VWC2L: variants seen among roughly 807,000 people sequenced by gnomAD.
VWC2L encodes the protein von Willebrand factor C domain-containing protein 2-like.
A neutral mutation model predicts 21.6 loss-of-function variants in VWC2L; 10 were observed. The ratio of observed to expected loss-of-function variants is 0.46; its 90% CI spans 0.29 to 0.78. The LOEUF (loss-of-function observed/expected upper bound fraction) is 0.78, where lower values mean the gene tolerates loss of function less well. Among genes scored for constraint, VWC2L ranks in the 30% least tolerant of loss-of-function variants. The pLI, the probability that VWC2L is intolerant of heterozygous loss-of-function variation, is 0.10. For synonymous variants in VWC2L, 96 were observed against 94.3 expected, an observed-to-expected ratio of 1.02 and a Z score of -0.10; for missense variants, 209 against 277.1, an observed-to-expected ratio of 0.75 and a Z score of 1.74.
intron 3 of VWC2L, among the ~76,000 whole-genome samples, chr2:214,497,521 A>G (rs960287102): frequency 6.6e-6 from 1 of 152,170 alleles, no homozygotes. Flanking sequence ...TTGCTGCAGT[A>G]TGGAATTTTT....
intron 3 of VWC2L, chr2:214,525,321 C>G (rs1466303740): frequency 2.0e-5 from 3 of 152,006 alleles, no homozygotes; most frequent in African/African-American, 7.3e-5. Flanking sequence ...AAAGTTTGCA[C>G]ACAAGTAGTT....
intron 3 of VWC2L, among the ~76,000 whole-genome samples, chr2:214,511,982 C>A (rs62199883): frequency 0.37 from 55,249 of 149,956 alleles, 11,556 homozygotes; most frequent in Non-Finnish European, 0.48. Flanking sequence ...GAGTCATGAA[C>A]TTAATGCTTA....
At chr2:214,561,961 C>T (rs1394238390) in intron 3 of VWC2L, among the ~76,000 whole-genome samples, 1 of 151,614 alleles carries the variant, frequency 6.6e-6, no homozygotes, top group Non-Finnish European at 1.5e-5. Context: ...TCAAAGCACA[C>T]TAAGTCTTTG....
At chr2:214,446,149 A>G (rs1426156473) in intron 3 of VWC2L, among the ~76,000 whole-genome samples, 2 of 152,232 alleles carry the variant, frequency 1.3e-5, no homozygotes, top group African/African-American at 2.4e-5. Flanking sequence ...AGTGATAAGC[A>G]TAACAGACAT....
intron 3 of VWC2L, among the ~76,000 whole-genome samples, chr2:214,478,595 TAG>T (rs1266538677): frequency 6.6e-6 from 1 of 152,212 alleles, no homozygotes; most frequent in Admixed American, 6.5e-5. Context: ...CTGCTTTTCC[TAG>T]AGTTATCTCC....
intron 3 of VWC2L, among the ~76,000 whole-genome samples, chr2:214,547,331 G>T (rs1021693316): frequency 1.2e-4 from 19 of 152,174 alleles, no homozygotes; most frequent in African/African-American, 4.6e-4. Flanking sequence ...GTATGATTAA[G>T]GGAGAACAGC....
intron 3 of VWC2L, among the ~76,000 whole-genome samples, chr2:214,516,132 T>A (rs1195002122): frequency 6.6e-6 from 1 of 152,120 alleles, no homozygotes; most frequent in Admixed American, 6.5e-5. Flanking sequence ...TTCATACTGA[T>A]AACTTGAAAT....
intron 3 of VWC2L, among the ~76,000 whole-genome samples, chr2:214,516,452 G>A (rs4672708): frequency 0.36 from 55,049 of 151,766 alleles, 11,463 homozygotes; most frequent in East Asian, 0.73. Flanking sequence ...ACACCAGCAC[G>A]CCCAAAACCA....
intron 3 of VWC2L, among the ~76,000 whole-genome samples, chr2:214,526,257 G>A (rs10932542): frequency 0.26 from 39,010 of 151,544 alleles, 5,304 homozygotes; most frequent in East Asian, 0.48. Flanking sequence ...ATATTTAGAG[G>A]AAAAAAAGCC....
chr2:214,432,346 GAT>G (rs1702612515), intron 2 of VWC2L, among the ~76,000 whole-genome samples: 2 of 152,174 alleles, frequency 1.3e-5, no homozygotes, highest in African/African-American at 2.4e-5. Flanking sequence ...AAATCAGTAA[GAT>G]AGTTTCACAG....
intron 3 of VWC2L, among the ~76,000 whole-genome samples, chr2:214,564,727 T>G (rs1690035905): frequency 6.6e-6 from 1 of 152,206 alleles, no homozygotes; most frequent in East Asian, 1.9e-4. Context: ...CACTACAACA[T>G]TAAATGTATG....
At chr2:214,552,550 T>C (rs1354760074) in intron 3 of VWC2L, among the ~76,000 whole-genome samples, 2 of 152,204 alleles carry the variant, frequency 1.3e-5, no homozygotes, top group African/African-American at 4.8e-5. Context: ...GGACACCTTA[T>C]TAAAACCTTA....
chr2:214,474,872 G>A (rs1417127182), intron 3 of VWC2L, among the ~76,000 whole-genome samples: 1 of 152,096 alleles, frequency 6.6e-6, no homozygotes, highest in Non-Finnish European at 1.5e-5. Context: ...TTTGATGCTA[G>A]GCCTTGCTTC....
At chr2:214,492,129 T>C (rs1343663070) in intron 3 of VWC2L, among the ~76,000 whole-genome samples, 6 of 152,142 alleles carry the variant, frequency 3.9e-5, no homozygotes, top group Admixed American at 2.0e-4. Context: ...AAATTAAACA[T>C]AGTAAACAAA....
At position 214,538,262 on chromosome 2, in the gene VWC2L, T is replaced by C. The variant is rs748162682; in HGVS notation, c.521-37410T>C. 4.9e-4 allele frequency among the ~76,000 whole-genome samples: 75 copies of C among 152,206 alleles called. No homozygotes were observed. In the Middle Eastern group the frequency reaches 0.01, roughly 21 times the overall value. ...ACAGACCTGGAAGCTGCTATCACTC[T>C]ACCAAATTACCACACTGAATAGACA... On this transcript the variant is annotated intron_variant, in intron 3 of 3. Coordinates refer to ENST00000312504, the MANE Select transcript of VWC2L (RefSeq NM_001080500.4).
intron 3 of VWC2L, among the ~76,000 whole-genome samples, chr2:214,484,316 G>C (rs1688647048): frequency 6.6e-6 from 1 of 152,160 alleles, no homozygotes; most frequent in African/African-American, 2.4e-5. Context: ...AAATCAACTA[G>C]TCTGAATTCT....
At chr2:214,561,809 T>C (rs185287426) in intron 3 of VWC2L, among the ~76,000 whole-genome samples, 2,478 of 127,086 alleles carry the variant, frequency 0.019, 209 homozygotes, top group African/African-American at 0.08. Flanking sequence ...TATATATATA[T>C]ACACACACAT....
intron 3 of VWC2L, among the ~76,000 whole-genome samples, chr2:214,570,761 A>T (rs1690138719): frequency 6.6e-6 from 1 of 152,170 alleles, no homozygotes; most frequent in Non-Finnish European, 1.5e-5. Flanking sequence ...TCCCAGTAAA[A>T]GATTCCATCT....
intron 3 of VWC2L, among the ~76,000 whole-genome samples, chr2:214,517,040 T>C (rs1296218194): frequency 1.3e-5 from 2 of 152,250 alleles, no homozygotes; most frequent in African/African-American, 2.4e-5. Flanking sequence ...TCAATGTTTT[T>C]GTTCTCTGCT....
Sources: gnomAD v4.1 joint callset for allele counts (sites outside exome capture counted in the v4.1 genomes callset) on GRCh38, gnomAD v4.1.1 for gene constraint, MANE v1.5 for transcripts, NCBI Gene and HGNC (gene_info 2026-07-23, HGNC 2026-07-21) for gene names.